Variants in ADGRL3 observed in about 807,000 individuals in gnomAD.
ADGRL3 encodes the protein calcium-independent alpha-latrotoxin receptor 3.
ADGRL3 carries 62 observed loss-of-function variants against 153.5 expected under a neutral mutation model. The observed-to-expected ratio is 0.40, with a 90% CI of 0.33 to 0.50. The LOEUF is 0.50. ADGRL3 is among the 20% of genes least tolerant of loss of function. The pLI, the probability that ADGRL3 is intolerant of heterozygous loss-of-function variation, is 0.47. For synonymous variants in ADGRL3, 710 were observed against 672.5 expected (o/e 1.06, Z -0.86); for missense variants, 1,641 against 1,859.4 (o/e 0.88, Z 2.16).
chr4:61,424,616 A>C (rs1454820523), intron 2 of ADGRL3, among the ~76,000 whole-genome samples: 2 of 152,148 alleles, frequency 1.3e-5, no homozygotes, highest in Admixed American at 1.3e-4. Flanking sequence ...TTCTGGAATA[A>C]ATGTACAACA....
At chr4:61,396,914 A>T (rs1490856955) in intron 2 of ADGRL3, among the ~76,000 whole-genome samples, 1 of 149,800 alleles carries the variant, frequency 6.7e-6, no homozygotes, top group African/African-American at 2.4e-5. Context: ...CTTTCATGTA[A>T]TTTACTAAAT....
At chr4:61,452,176 T>G (rs1052645693) in intron 2 of ADGRL3, among the ~76,000 whole-genome samples, 1 of 152,150 alleles carries the variant, frequency 6.6e-6, no homozygotes, top group Non-Finnish European at 1.5e-5. Flanking sequence ...CCTGGAGGCC[T>G]TCCTCCAATG....
chr4:61,636,987 G>C lies in ADGRL3; in HGVS notation c.474-39839G>C, dbSNP rs111670174. ...ATACTATTATAAGGTTCTTAGGTTT[G>C]TCATGAACTAGTGGACTATTTTTTG... On this transcript the variant is annotated intron_variant, in intron 5 of 26. Coordinates refer to ENST00000683033, the MANE Select transcript of ADGRL3 (RefSeq NM_001387552.1). Among the ~76,000 whole-genome samples the C allele has an allele frequency of 3.4e-4, 52 of 152,204 alleles. 3 individuals carry two copies. Among genetic ancestry groups the C allele is most frequent in the Middle Eastern group, 3.4e-3 (1 of 292 alleles).
intron 9 of ADGRL3, among the ~76,000 whole-genome samples, chr4:61,875,296 G>C (rs113692516): frequency 1.9e-3 from 294 of 152,274 alleles, no homozygotes; most frequent in African/African-American, 6.8e-3. Context: ...TTCATTGCCA[G>C]TGGTAGATGG....
At chr4:61,303,021 A>G (rs1321994727) in intron 1 of ADGRL3, among the ~76,000 whole-genome samples, 1 of 152,218 alleles carries the variant, frequency 6.6e-6, no homozygotes, top group African/African-American at 2.4e-5. Flanking sequence ...AGACGACAGT[A>G]TACTATTAAA....
At chr4:61,685,630 T>A (rs1001600341) in intron 6 of ADGRL3, among the ~76,000 whole-genome samples, 3 of 152,072 alleles carry the variant, frequency 2.0e-5, no homozygotes, top group Admixed American at 6.6e-5. Context: ...TGGCCTGTTC[T>A]CGTAAGTGGT....
intron 5 of ADGRL3, among the ~76,000 whole-genome samples, chr4:61,668,122 T>C (rs749126581): frequency 6.6e-6 from 1 of 152,216 alleles, no homozygotes; most frequent in Non-Finnish European, 1.5e-5. Context: ...CTGATTATCT[T>C]GGATTATCAA....
Position 62,073,936 on chromosome 4 carries a change from C to G in ADGRL3, c.*3028C>G, listed in dbSNP as rs1446614229. 1 of 152,004 alleles carries G rather than the reference C, an allele frequency of 6.6e-6. No homozygotes were observed. Among genetic ancestry groups the G allele is most frequent in the Non-Finnish European group, 1.5e-5 (1 of 67,978 alleles). 9.4% of individuals were successfully genotyped at this position (152,004 alleles called of 1,614,324 possible). On this transcript the variant is annotated 3_prime_UTR_variant, in exon 27 of 27. Transcript: ENST00000683033. ...TAATTAAAAAAAATGGATAAAGGAG[C>G]TAATTTTACATACATTTCAATAGAA... is the stretch of plus-strand genomic sequence containing the variant.
intron 8 of ADGRL3, among the ~76,000 whole-genome samples, chr4:61,807,040 G>C (rs889474280): frequency 2.0e-5 from 3 of 151,970 alleles, no homozygotes; most frequent in African/African-American, 4.8e-5. Context: ...CACCTACTGT[G>C]AGTCACACAC....
At chr4:61,607,649 C>T (rs1199796861) in intron 5 of ADGRL3, among the ~76,000 whole-genome samples, 1 of 152,122 alleles carries the variant, frequency 6.6e-6, no homozygotes, top group African/African-American at 2.4e-5. Context: ...ATATTACCTA[C>T]AATTGAAGAA....
At chr4:61,535,046 C>T (rs1278429716) in intron 4 of ADGRL3, among the ~76,000 whole-genome samples, 2 of 151,902 alleles carry the variant, frequency 1.3e-5, no homozygotes, top group Non-Finnish European at 2.9e-5. Flanking sequence ...CAACTTTTAC[C>T]CATTCAGTAT....
chr4:61,550,769 C>T (rs1392434381), intron 4 of ADGRL3, among the ~76,000 whole-genome samples: 1 of 151,862 alleles, frequency 6.6e-6, no homozygotes, highest in Non-Finnish European at 1.5e-5. Flanking sequence ...TAACAGTATT[C>T]TTATTTGTGA....
chr4:61,471,785 C>A (rs1304014777), intron 2 of ADGRL3, among the ~76,000 whole-genome samples: 1 of 151,784 alleles, frequency 6.6e-6, no homozygotes, highest in Non-Finnish European at 1.5e-5. Flanking sequence ...CAGAAATGGT[C>A]GATTAAGGTA....
At chr4:61,800,494 A>G (rs1370296679) in intron 8 of ADGRL3, among the ~76,000 whole-genome samples, 2 of 152,078 alleles carry the variant, frequency 1.3e-5, no homozygotes, top group African/African-American at 4.8e-5. Flanking sequence ...TTTTAGGTCA[A>G]TTGTTTCTTG....
chr4:61,789,670 A>G (rs1297513028), intron 8 of ADGRL3, among the ~76,000 whole-genome samples: 1 of 152,188 alleles, frequency 6.6e-6, no homozygotes, highest in Non-Finnish European at 1.5e-5. Context: ...ATTGACTGAT[A>G]GTTGATTTTC....
chr4:61,752,913 G>T (rs1244181530), intron 8 of ADGRL3, among the ~76,000 whole-genome samples: 1 of 152,102 alleles, frequency 6.6e-6, no homozygotes, highest in Non-Finnish European at 1.5e-5. Flanking sequence ...CAGCCTGGGT[G>T]ACTGAGCAAG....
chr4:61,700,309 T>C (rs575320135), intron 6 of ADGRL3, among the ~76,000 whole-genome samples: 2,363 of 6,862 alleles, frequency 0.34, 28 homozygotes, highest in Non-Finnish European at 0.49. Flanking sequence ...ATATAGAATA[T>C]GAAAAAAAAT....
At chr4:61,921,410 G>A (rs115065409) in intron 13 of ADGRL3, among the ~76,000 whole-genome samples, 2,247 of 152,100 alleles carry the variant, frequency 0.015, 54 homozygotes, top group African/African-American at 0.05. Context: ...TTTCCAAAGC[G>A]TGATCACTGT....
intron 2 of ADGRL3, among the ~76,000 whole-genome samples, chr4:61,393,321 A>C (rs1296194806): frequency 6.6e-6 from 1 of 152,142 alleles, no homozygotes; most frequent in Non-Finnish European, 1.5e-5. Context: ...TTAAAGAAAA[A>C]CAGTTTTGGT....
Sources: gnomAD v4.1 joint callset for allele counts (sites outside exome capture counted in the v4.1 genomes callset) on GRCh38, gnomAD v4.1.1 for gene constraint, MANE v1.5 for transcripts, NCBI Gene and HGNC (gene_info 2026-07-23, HGNC 2026-07-21) for gene names.